The following TTC1 variants were observed in gnomAD, a reference collection of about 807,000 sequenced individuals.
TTC1 encodes the protein tetratricopeptide repeat domain 1.
In TTC1, 31 loss-of-function variants were observed where a neutral mutation model predicts 37.6. That is an observed-to-expected ratio of 0.82 (90% confidence interval 0.62 to 1.11). The LOEUF (loss-of-function observed/expected upper bound fraction) is 1.11. Ranked by LOEUF, TTC1 falls within the 50% of genes most tolerant of loss-of-function variation. The pLI, the probability that TTC1 is intolerant of heterozygous loss-of-function variation, is 0.00. For missense variants in TTC1, 351 were observed against 339.0 expected, an observed-to-expected ratio of 1.04 and a Z score of -0.28; for synonymous variants, 127 against 122.4, an observed-to-expected ratio of 1.04 and a Z score of -0.25.
intron 6 of TTC1, 111 bp from the exon 7 acceptor site, chr5:160,051,018 T>C: frequency 1.2e-6 from 1 of 815,970 alleles, no homozygotes; most frequent in African/African-American, 1.7e-5. Flanking sequence ...CATACTTAAC[T>C]TGATCTTATT....
At chr5:160,045,057 A>T (rs1006524747) in intron 5 of TTC1, among the ~76,000 whole-genome samples, 1 of 152,140 alleles carries the variant, frequency 6.6e-6, no homozygotes, top group African/African-American at 2.4e-5. Context: ...AAGTTATTTA[A>T]CCTATTTCCT....
intron 2 of TTC1, among the ~76,000 whole-genome samples, chr5:160,023,022 G>A (rs1490045889): frequency 1.3e-5 from 2 of 152,114 alleles, no homozygotes; most frequent in South Asian, 2.1e-4. Flanking sequence ...TTGGGAGGCC[G>A]AGGTGGGCGG....
In TTC1 at chr5:160,029,514, G is replaced by A. The variant is rs1346427704; in HGVS notation, c.331-5626G>A. Among the ~76,000 whole-genome samples the A allele has an allele frequency of 2.6e-5, 4 of 151,820 alleles. No individual in the cohort carries two copies. The East Asian group carries it at 7.7e-4, about 29-fold the overall frequency. ...AAAAAAAAAAATAGCTAGGCGTGGTGGTGTGCACCTGTGGTCCTAGGTACT... is the reference window on the plus strand; with the variant it reads ...AAAAAAAAAAATAGCTAGGCGTGGTAGTGTGCACCTGTGGTCCTAGGTACT... On this transcript the variant is annotated intron_variant, in intron 2 of 7. Coordinates refer to ENST00000231238, the MANE Select transcript of TTC1 (RefSeq NM_003314.3).
chr5:160,056,611 C>T (rs1757554234), intron 7 of TTC1, among the ~76,000 whole-genome samples: 1 of 152,102 alleles, frequency 6.6e-6, no homozygotes. Context: ...TAGTCTCAGC[C>T]ACTTGGGAGG....
chr5:160,032,926 A>C (rs968344028), intron 2 of TTC1, among the ~76,000 whole-genome samples: 1 of 150,774 alleles, frequency 6.6e-6, no homozygotes, highest in Non-Finnish European at 1.5e-5. Context: ...GGGTTTCACT[A>C]TGTCGGCCAG....
At chr5:160,063,879 C>A (rs1753510497) in intron 7 of TTC1, among the ~76,000 whole-genome samples, 1 of 151,344 alleles carries the variant, frequency 6.6e-6, no homozygotes, top group Non-Finnish European at 1.5e-5. Flanking sequence ...TGGGCTCAAA[C>A]CCTCCTCTTG....
chr5:160,026,187 T>C (rs1756801700), intron 2 of TTC1, among the ~76,000 whole-genome samples: 4 of 152,310 alleles, frequency 2.6e-5, no homozygotes, highest in South Asian at 2.1e-4. Context: ...CTTCAAGTTA[T>C]GAAGAAAAGT....
At chr5:160,014,233 C>A (rs866014526) in intron 2 of TTC1, among the ~76,000 whole-genome samples, 1 of 151,956 alleles carries the variant, frequency 6.6e-6, no homozygotes, top group Middle Eastern at 3.4e-3. Flanking sequence ...TGGCGGGCTC[C>A]TGTAATCGCA....
At chr5:160,026,115 AAAGGTTGC>A (rs1756799827) in intron 2 of TTC1, among the ~76,000 whole-genome samples, 1 of 152,212 alleles carries the variant, frequency 6.6e-6, no homozygotes, top group Admixed American at 6.5e-5. Context: ...TTGGTTTTCT[AAAGGTTGC>A]AAGCATACAT....
intron 7 of TTC1, among the ~76,000 whole-genome samples, chr5:160,062,817 TC>T (rs373858265): frequency 6.6e-6 from 1 of 151,320 alleles, no homozygotes; most frequent in African/African-American, 2.4e-5. Context: ...GTTTTTTTTT[TC>T]CCCCTTCCTG....
At chr5:160,037,279 A>C (rs1387744899) in intron 4 of TTC1, among the ~76,000 whole-genome samples, 1 of 152,226 alleles carries the variant, frequency 6.6e-6, no homozygotes, top group Non-Finnish European at 1.5e-5. Flanking sequence ...GCTGGGATAA[A>C]AGGTACCCTT....
chr5:160,044,527 G>C (rs895895509), intron 5 of TTC1, among the ~76,000 whole-genome samples: 5 of 152,172 alleles, frequency 3.3e-5, no homozygotes, highest in Non-Finnish European at 5.9e-5. Flanking sequence ...GAATATATAG[G>C]GTAACTTCTG....
At chr5:160,030,779 G>A (rs934706960) in intron 2 of TTC1, among the ~76,000 whole-genome samples, 2 of 152,188 alleles carry the variant, frequency 1.3e-5, no homozygotes, top group Non-Finnish European at 2.9e-5. Flanking sequence ...TTCTATGGAA[G>A]TATAATTCAA....
intron 7 of TTC1, chr5:160,061,767 T>C (rs1246731820): frequency 1.3e-5 from 2 of 152,214 alleles, no homozygotes; most frequent in Non-Finnish European, 2.9e-5. Flanking sequence ...ATGTGTTAGT[T>C]TGGGTCATCC....
chr5:160,024,376 T>G (rs1756764544), intron 2 of TTC1, among the ~76,000 whole-genome samples: 1 of 152,202 alleles, frequency 6.6e-6, no homozygotes. Context: ...AAATAAACAT[T>G]ATTACAACAC....
intron 5 of TTC1, among the ~76,000 whole-genome samples, chr5:160,044,032 C>A (rs1480577467): frequency 6.6e-6 from 1 of 152,172 alleles, no homozygotes; most frequent in Non-Finnish European, 1.5e-5. Flanking sequence ...TTGCCTTTCT[C>A]ACCAACTTCA....
chr5:160,055,376 C>CT (rs1440297575), intron 7 of TTC1, among the ~76,000 whole-genome samples: 3 of 152,234 alleles, frequency 2.0e-5, no homozygotes, highest in African/African-American at 4.8e-5. Flanking sequence ...TTCACATTGT[C>CT]TAACGGGGAA....
intron 2 of TTC1, among the ~76,000 whole-genome samples, chr5:160,021,907 C>T (rs1041963882): frequency 3.3e-5 from 5 of 152,174 alleles, no homozygotes; most frequent in Admixed American, 2.0e-4. Flanking sequence ...CCTCTCTTTA[C>T]GCTCTCTTTT....
intron 2 of TTC1, among the ~76,000 whole-genome samples, chr5:160,026,487 T>A (rs1475573973): frequency 6.6e-6 from 1 of 152,238 alleles, no homozygotes; most frequent in South Asian, 2.1e-4. Flanking sequence ...GGTTCTGCTG[T>A]TAGATACGAA....
Sources: allele counts gnomAD v4.1 joint callset (sites outside exome capture counted in the v4.1 genomes callset), GRCh38; gene constraint gnomAD v4.1.1; transcripts MANE v1.5; gene names NCBI Gene and HGNC (gene_info 2026-07-23, HGNC 2026-07-21).